Variants in ABLIM1 observed in about 807,000 individuals in gnomAD.
ABLIM1 encodes actin binding LIM protein 1.
In ABLIM1, 40 loss-of-function variants were observed where a neutral mutation model predicts 107.0. The ratio of observed to expected loss-of-function variants is 0.37; its 90% CI spans 0.29 to 0.49. The LOEUF (loss-of-function observed/expected upper bound fraction) is 0.49, where lower values mean the gene tolerates loss of function less well. Ranked by LOEUF, ABLIM1 falls within the 20% of genes least tolerant of loss-of-function variation. The probability of loss-of-function intolerance (pLI) is 0.97; values close to 1 mark genes in which losing one functional copy is unlikely to be tolerated. For missense variants in ABLIM1, 857 were observed against 1,008.5 expected, an observed-to-expected ratio of 0.85 and a Z score of 2.04; for synonymous variants, 357 against 357.3, an observed-to-expected ratio of 1.00 and a Z score of 0.01.
At chr10:114,777,752 A>G in the ABLIM1 span, among the ~76,000 whole-genome samples, 125 of 152,308 alleles carry the variant, frequency 8.2e-4, no homozygotes, top group Non-Finnish European at 1.5e-3. Context: ...GTCAAGCATG[A>G]TTCTTAGTCT....
intron 1 of ABLIM1, chr10:114,613,663 C>A: frequency 7.5e-7 from 1 of 1,325,052 alleles, no homozygotes; most frequent in Non-Finnish European, 1.0e-6. Context: ...TCACCTGGGT[C>A]TCTCCAGTGT....
At chr10:114,751,155 T>C (rs1270829241) in intron 1 of ABLIM1, among the ~76,000 whole-genome samples, 1 of 152,138 alleles carries the variant, frequency 6.6e-6, no homozygotes, top group Non-Finnish European at 1.5e-5. Context: ...CTCATTGCTC[T>C]TTGCCAAAAA....
intron 1 of ABLIM1, among the ~76,000 whole-genome samples, chr10:114,741,434 C>T (rs2082286279): frequency 6.6e-6 from 1 of 151,560 alleles, no homozygotes; most frequent in Admixed American, 6.6e-5. Flanking sequence ...ACCGTGTTAG[C>T]CAGGATGGTC....
chr10:114,548,240 T>C (rs2067616253), intron 4 of ABLIM1, among the ~76,000 whole-genome samples: 1 of 152,198 alleles, frequency 6.6e-6, no homozygotes, highest in African/African-American at 2.4e-5. Flanking sequence ...CTCATTTTTG[T>C]AAATGGGACC....
intron 1 of ABLIM1, among the ~76,000 whole-genome samples, chr10:114,748,213 C>T (rs1813849298): frequency 2.0e-5 from 3 of 151,560 alleles, no homozygotes; most frequent in African/African-American, 4.9e-5. Context: ...TTTAATAGGA[C>T]TCATGAAGTA....
chr10:114,606,520 C>T (rs1426439828), intron 1 of ABLIM1, among the ~76,000 whole-genome samples: 2 of 152,156 alleles, frequency 1.3e-5, no homozygotes, highest in African/African-American at 2.4e-5. Context: ...AGGCGTAAGG[C>T]ACCGCACCCA....
intron 6 of ABLIM1, among the ~76,000 whole-genome samples, chr10:114,509,028 G>A (rs145113525): frequency 6.6e-6 from 1 of 152,338 alleles, no homozygotes; most frequent in East Asian, 1.9e-4. Flanking sequence ...TTACAGATGA[G>A]CAAAGAGAGG....
chr10:114,789,854 A>G, the ABLIM1 span, among the ~76,000 whole-genome samples: 1 of 150,448 alleles, frequency 6.6e-6, no homozygotes, highest in Non-Finnish European at 1.5e-5. Context: ...CAGTGGCATG[A>G]TGATCTCAGC....
At chr10:114,529,490 GC>G (rs2065229786) in intron 6 of ABLIM1, among the ~76,000 whole-genome samples, 1 of 152,062 alleles carries the variant, frequency 6.6e-6, no homozygotes, top group Non-Finnish European at 1.5e-5. Context: ...ATTTATTTAA[GC>G]ATCTCTATGT....
intron 10 of ABLIM1, among the ~76,000 whole-genome samples, chr10:114,471,441 C>T (rs933389091): frequency 1.3e-5 from 2 of 152,214 alleles, no homozygotes; most frequent in South Asian, 2.1e-4. Flanking sequence ...AACTTCCCCT[C>T]GCCTCTTATG....
intron 17 of ABLIM1, among the ~76,000 whole-genome samples, chr10:114,443,020 A>G (rs988899460): frequency 5.9e-5 from 9 of 151,388 alleles, no homozygotes; most frequent in African/African-American, 2.2e-4. Context: ...TGTATTTTTT[A>G]GTAGAGACGG....
At chr10:114,436,667 C>T (rs999446689) in intron 22 of ABLIM1, among the ~76,000 whole-genome samples, 1 of 152,168 alleles carries the variant, frequency 6.6e-6, no homozygotes. Context: ...ACAACTCCAT[C>T]CCAGGTCCTT....
At chr10:114,633,380 T>C (rs1017065795) in intron 1 of ABLIM1, among the ~76,000 whole-genome samples, 2 of 152,192 alleles carry the variant, frequency 1.3e-5, no homozygotes, top group African/African-American at 4.8e-5. Flanking sequence ...GGTTTTCTGA[T>C]GTGTAACAGT....
chr10:114,612,967 C>G (rs768779632), intron 1 of ABLIM1, among the ~76,000 whole-genome samples: 1 of 152,178 alleles, frequency 6.6e-6, no homozygotes, highest in Non-Finnish European at 1.5e-5. Context: ...AAACCAAAAA[C>G]CAAAGAACTA....
At chr10:114,626,496 C>T (rs544789734) in intron 1 of ABLIM1, among the ~76,000 whole-genome samples, 3 of 152,316 alleles carry the variant, frequency 2.0e-5, no homozygotes, top group African/African-American at 7.2e-5. Flanking sequence ...ACTCCCCAGT[C>T]CTTTATCCCC....
chr10:114,797,139 C>T, the ABLIM1 span, among the ~76,000 whole-genome samples: 3,341 of 152,250 alleles, frequency 0.022, 47 homozygotes, highest in South Asian at 0.032. Flanking sequence ...GAGATGGGTC[C>T]CCAGACGTTG....
At chr10:114,719,132 A>C (rs2081776549) in intron 1 of ABLIM1, among the ~76,000 whole-genome samples, 1 of 152,242 alleles carries the variant, frequency 6.6e-6, no homozygotes, top group Admixed American at 6.5e-5. Context: ...GATTAAAAAC[A>C]AAACCAAACA....
chr10:114,702,668 A>G (rs2081331242), intron 1 of ABLIM1, among the ~76,000 whole-genome samples: 3 of 151,808 alleles, frequency 2.0e-5, no homozygotes, highest in Admixed American at 2.0e-4. Context: ...CTGGGACTAC[A>G]GGCGCCCGCC....
At chr10:114,648,983 T>C (rs74158029) in intron 1 of ABLIM1, among the ~76,000 whole-genome samples, 1 of 152,144 alleles carries the variant, frequency 6.6e-6, no homozygotes, top group Admixed American at 6.5e-5. Context: ...GGTCTTCTCA[T>C]GTAATATCAA....
Sources: allele counts gnomAD v4.1 joint callset (sites outside exome capture counted in the v4.1 genomes callset), GRCh38; gene constraint gnomAD v4.1.1; transcripts MANE v1.5; gene names NCBI Gene and HGNC (gene_info 2026-07-23, HGNC 2026-07-21).